The following PTPRJ variants were observed in gnomAD, a reference collection of about 807,000 sequenced individuals.
PTPRJ encodes protein tyrosine phosphatase receptor type J.
A neutral mutation model predicts 141.3 loss-of-function variants in PTPRJ; 129 were observed. That is an observed-to-expected ratio of 0.91 (90% CI 0.79 to 1.06). The LOEUF (loss-of-function observed/expected upper bound fraction) is 1.06. Among genes scored for constraint, PTPRJ ranks in the 50% least tolerant of loss-of-function variants. The pLI is 0.00. For synonymous variants in PTPRJ, 610 were observed against 640.5 expected (o/e 0.95, Z 0.72); for missense variants, 1,601 against 1,679.7 (o/e 0.95, Z 0.82).
At chr11:48,127,694 TGG>T in intron 6 of PTPRJ, 84 bp from the exon 7 acceptor site, 1 of 1,419,810 alleles carries the variant, frequency 7.0e-7, no homozygotes, top group Non-Finnish European at 9.8e-7. Context: ...GAGAGTTTGC[TGG>T]GCTTGACAGC....
chr11:48,089,182 C>G (rs919863402), intron 1 of PTPRJ, among the ~76,000 whole-genome samples: 1 of 152,158 alleles, frequency 6.6e-6, no homozygotes, highest in Non-Finnish European at 1.5e-5. Flanking sequence ...TAAAAGGAAG[C>G]TATGTCCTGT....
chr11:48,130,372 A>C, intron 7 of PTPRJ, 87 bp from the exon 8 acceptor site: 1 of 1,351,762 alleles, frequency 7.4e-7, no homozygotes, highest in Non-Finnish European at 1.0e-6. Flanking sequence ...CTAAGTGTAC[A>C]TTTCATCTCA....
chr11:47,991,246 C>T (rs1051673057), intron 1 of PTPRJ, among the ~76,000 whole-genome samples: 7 of 151,994 alleles, frequency 4.6e-5, no homozygotes, highest in Non-Finnish European at 8.8e-5. Context: ...TTCCTAGCCC[C>T]GAAGGAGCAC....
intron 1 of PTPRJ, among the ~76,000 whole-genome samples, chr11:48,107,158 C>T (rs1365417277): frequency 6.6e-6 from 1 of 151,964 alleles, no homozygotes; most frequent in African/African-American, 2.4e-5. Context: ...GTGCAGAAAG[C>T]CGTGTTAACC....
chr11:48,038,845 T>TAAA (rs36150010), intron 1 of PTPRJ, among the ~76,000 whole-genome samples: 14 of 116,710 alleles, frequency 1.2e-4, no homozygotes, highest in African/African-American at 4.0e-4. Context: ...CACTTTACTC[T>TAAA]AAAAAAAAAA....
intron 1 of PTPRJ, among the ~76,000 whole-genome samples, chr11:48,028,825 G>T (rs1853898428): frequency 6.6e-6 from 1 of 152,162 alleles, no homozygotes; most frequent in Admixed American, 6.5e-5. Flanking sequence ...ACCTTGTGTG[G>T]GTGAATCAAA....
At chr11:47,998,702 G>A (rs1376190440) in intron 1 of PTPRJ, among the ~76,000 whole-genome samples, 2 of 152,224 alleles carry the variant, frequency 1.3e-5, no homozygotes, top group African/African-American at 2.4e-5. Flanking sequence ...TGCTCTGTAC[G>A]CACCAGCTGC....
intron 1 of PTPRJ, among the ~76,000 whole-genome samples, chr11:48,069,958 T>G (rs1448014006): frequency 1.3e-5 from 2 of 152,220 alleles, no homozygotes; most frequent in Non-Finnish European, 2.9e-5. Context: ...AAATGATACT[T>G]AGTCAAAATC....
At position 47,980,843 on chromosome 11, in the gene PTPRJ, G is replaced by C; in HGVS notation, c.-70G>C. 1 of 1,067,282 alleles carries C rather than the reference G, an allele frequency of 9.4e-7. No individual in the cohort carries two copies. 66.1% of individuals were successfully genotyped at this position (1,067,282 alleles called of 1,614,324 possible). The stretch of plus-strand genomic sequence containing the variant: ...GGAGACGGCAGGAGGCGGCGACGAC[G>C]GTGCCCGGGCTCGGGCGCACGGCGG... On this transcript the variant is annotated 5_prime_UTR_variant, in exon 1 of 25. Coordinates refer to ENST00000418331, the MANE Select transcript of PTPRJ (RefSeq NM_002843.4).
chr11:48,062,533 C>A (rs1170532478), intron 1 of PTPRJ, among the ~76,000 whole-genome samples: 1 of 151,854 alleles, frequency 6.6e-6, no homozygotes, highest in Non-Finnish European at 1.5e-5. Flanking sequence ...CCAAAAAAAA[C>A]AGTGCTTGTT....
Position 48,123,803 on chromosome 11 carries a change from C to T in PTPRJ, c.807C>T (p.Asn269=), listed in dbSNP as rs141966189. Reference sequence around the variant, plus strand: ...GCCTGAAGCCAGGGGTTCAATACAACATCAACCCGTATCTTCTACAATCAA... The same window carrying T: ...GCCTGAAGCCAGGGGTTCAATACAATATCAACCCGTATCTTCTACAATCAA... The part of the protein sequence containing the change: ...ISGLKPGVQY[N]INPYLLQSNK... Residue 269 remains asparagine, a synonymous_variant, in exon 5 of 25, where the codon AAC becomes AAT. Coordinates refer to ENST00000418331, the MANE Select transcript of PTPRJ (RefSeq NM_002843.4). The T allele has an allele frequency of 6.6e-5, 107 of 1,613,916 alleles. No homozygotes were observed. The highest frequency in any genetic ancestry group is 7.7e-5 in the Non-Finnish European group (91 of 1,179,916).
chr11:48,164,558 A>ATT (rs60806872), intron 24 of PTPRJ, 43 bp downstream of exon 24: 22,521 of 769,168 alleles, frequency 0.029, 644 homozygotes, highest in Non-Finnish European at 0.031. Context: ...CTTCCCCTCC[A>ATT]TTTTTTTTTT....
intron 3 of PTPRJ, among the ~76,000 whole-genome samples, chr11:48,115,251 C>CATA (rs1856536107): frequency 6.6e-6 from 1 of 152,196 alleles, no homozygotes; most frequent in Admixed American, 6.5e-5. Context: ...TACTCCAGAA[C>CATA]ATAATCACAC....
intron 3 of PTPRJ, among the ~76,000 whole-genome samples, chr11:48,113,858 A>G (rs968518999): frequency 2.0e-5 from 3 of 152,196 alleles, no homozygotes; most frequent in Non-Finnish European, 4.4e-5. Flanking sequence ...TATGGTAAAT[A>G]TTAATCAATA....
chr11:48,012,960 C>T (rs558196291), intron 1 of PTPRJ, among the ~76,000 whole-genome samples: 56 of 151,952 alleles, frequency 3.7e-4, no homozygotes, highest in Non-Finnish European at 6.6e-4. Flanking sequence ...CAAAAATTAA[C>T]CGGGTGTGGT....
intron 1 of PTPRJ, among the ~76,000 whole-genome samples, chr11:48,099,487 T>C (rs553598350): frequency 1.2e-4 from 18 of 152,214 alleles, no homozygotes; most frequent in African/African-American, 4.3e-4. Flanking sequence ...GCCTAAAATG[T>C]TTACTGTCTG....
At chr11:48,163,879 A>G (rs1432303334) in intron 23 of PTPRJ, among the ~76,000 whole-genome samples, 2 of 152,228 alleles carry the variant, frequency 1.3e-5, no homozygotes, top group African/African-American at 4.8e-5. Context: ...CCATTTATTT[A>G]TATATTGTTT....
chr11:48,022,797 T>C (rs1853688260), intron 1 of PTPRJ, among the ~76,000 whole-genome samples: 1 of 152,158 alleles, frequency 6.6e-6, no homozygotes, highest in Non-Finnish European at 1.5e-5. Context: ...AAGGGTTCTC[T>C]TGCCGGTGTG....
At chr11:48,049,107 C>T (rs543552664) in intron 1 of PTPRJ, among the ~76,000 whole-genome samples, 8 of 152,224 alleles carry the variant, frequency 5.3e-5, no homozygotes, top group East Asian at 1.9e-4. Flanking sequence ...TTCTCAGCCT[C>T]GGCACTACTG....
Sources: gnomAD v4.1 joint callset for allele counts (sites outside exome capture counted in the v4.1 genomes callset) on GRCh38, gnomAD v4.1.1 for gene constraint, MANE v1.5 for transcripts, NCBI Gene and HGNC (gene_info 2026-07-23, HGNC 2026-07-21) for gene names.